The following ELP4 variants were observed in gnomAD, a reference collection of about 807,000 sequenced individuals.
The protein encoded by ELP4 is elongator acetyltransferase complex subunit 4, also known as elongator complex protein 4.
Under a neutral mutation model 48.9 loss-of-function variants are expected in ELP4, and 51 were observed. That is an observed-to-expected ratio of 1.04 (90% CI 0.83 to 1.32). The LOEUF (loss-of-function observed/expected upper bound fraction) is 1.32, where lower values mean the gene tolerates loss of function less well. ELP4 is among the 40% of genes most tolerant of loss of function. The pLI, the probability that ELP4 is intolerant of heterozygous loss-of-function variation, is 0.00. For missense variants in ELP4, 519 were observed against 514.6 expected (o/e 1.01, Z -0.08); for synonymous variants, 210 against 189.2 (o/e 1.11, Z -0.90).
chr11:31,719,083 A>G (rs1365852617), intron 9 of ELP4, among the ~76,000 whole-genome samples: 1 of 151,938 alleles, frequency 6.6e-6, no homozygotes, highest in Non-Finnish European at 1.5e-5. Context: ...ACATATTGGG[A>G]CCTCGTCTCT....
chr11:31,707,168 T>C (rs767967396), intron 9 of ELP4: 26 of 392,734 alleles, frequency 6.6e-5, no homozygotes, highest in Non-Finnish European at 1.1e-4. Flanking sequence ...CTATTCTTCA[T>C]AGTTGCTGCA....
At chr11:31,695,712 C>T (rs1946388176) in intron 9 of ELP4, among the ~76,000 whole-genome samples, 1 of 148,184 alleles carries the variant, frequency 6.7e-6, no homozygotes, top group South Asian at 2.2e-4. Flanking sequence ...TCCTCTTTTT[C>T]TATTGATTGG....
At chr11:31,747,945 A>G (rs1366843758) in intron 9 of ELP4, among the ~76,000 whole-genome samples, 2 of 152,238 alleles carry the variant, frequency 1.3e-5, no homozygotes, top group East Asian at 3.8e-4. Flanking sequence ...GTGCCAAACA[A>G]CTTTTCTAAA....
intron 9 of ELP4, among the ~76,000 whole-genome samples, chr11:31,686,994 A>G (rs1025333458): frequency 1.3e-5 from 2 of 152,138 alleles, no homozygotes; most frequent in Non-Finnish European, 1.5e-5. Flanking sequence ...GATCATCATC[A>G]TCACCATCAC....
At chr11:31,557,185 T>C (rs908913070) in intron 3 of ELP4, among the ~76,000 whole-genome samples, 4 of 151,904 alleles carry the variant, frequency 2.6e-5, no homozygotes, top group African/African-American at 4.8e-5. Flanking sequence ...TTATGGACTT[T>C]AAGGTCCATA....
At chr11:31,539,975 G>A (rs188089053) in intron 3 of ELP4, among the ~76,000 whole-genome samples, 192 bp downstream of exon 3, 4 of 152,190 alleles carry the variant, frequency 2.6e-5, no homozygotes, top group Non-Finnish European at 5.9e-5. Context: ...TTAAACTAAT[G>A]TTTTTGAACA....
intron 3 of ELP4, among the ~76,000 whole-genome samples, chr11:31,591,144 C>T (rs1210600872): frequency 5.9e-5 from 9 of 152,078 alleles, no homozygotes; most frequent in Admixed American, 3.9e-4. Context: ...ACAGTGCTCA[C>T]GCCTGTAATC....
chr11:31,725,309 T>G (rs1947054540), intron 9 of ELP4, among the ~76,000 whole-genome samples: 1 of 152,192 alleles, frequency 6.6e-6, no homozygotes, highest in South Asian at 2.1e-4. Context: ...TGGATTCCCC[T>G]TGCCAGGCAG....
intron 9 of ELP4, among the ~76,000 whole-genome samples, chr11:31,694,010 T>A (rs1384158711): frequency 6.6e-6 from 1 of 152,168 alleles, no homozygotes; most frequent in Non-Finnish European, 1.5e-5. Context: ...GATGGGGTTG[T>A]TTGTTTTTTT....
chr11:31,688,803 CTT>C (rs531283097), intron 9 of ELP4, among the ~76,000 whole-genome samples: 16 of 152,098 alleles, frequency 1.1e-4, no homozygotes, highest in Non-Finnish European at 1.6e-4. Flanking sequence ...GAGTCCCTAA[CTT>C]TTACATACAT....
chr11:31,518,109 CTT>C (rs111515643), intron 1 of ELP4, among the ~76,000 whole-genome samples: 12 of 142,576 alleles, frequency 8.4e-5, no homozygotes, highest in Admixed American at 7.0e-5. Context: ...TCTTTTTTTT[CTT>C]TTTTTTTTTT....
chr11:31,581,212 T>C (rs1349447245), intron 3 of ELP4, among the ~76,000 whole-genome samples: 1 of 152,190 alleles, frequency 6.6e-6, no homozygotes, highest in East Asian at 1.9e-4. Context: ...ACAGCTGTTA[T>C]TCTGGCACTT....
At chr11:31,624,198 G>A (rs2134032727) in intron 5 of ELP4, among the ~76,000 whole-genome samples, 1 of 151,856 alleles carries the variant, frequency 6.6e-6, no homozygotes, top group South Asian at 2.1e-4. Context: ...CCCCAATTCT[G>A]AACATTCAGT....
chr11:31,743,591 A>T (rs1254780126), intron 9 of ELP4, among the ~76,000 whole-genome samples: 2 of 152,114 alleles, frequency 1.3e-5, no homozygotes, highest in Non-Finnish European at 2.9e-5. Context: ...GGATTAAGAA[A>T]CTCACTCAAA....
At chr11:31,610,303 CTAT>C in intron 5 of ELP4, among the ~76,000 whole-genome samples, 1 of 150,440 alleles carries the variant, frequency 6.6e-6, no homozygotes, top group Non-Finnish European at 1.5e-5. Flanking sequence ...AGAAAGAGGA[CTAT>C]TATTCTGGGC....
At chr11:31,636,799 G>A (rs1565090468) in intron 7 of ELP4, among the ~76,000 whole-genome samples, 1 of 151,788 alleles carries the variant, frequency 6.6e-6, no homozygotes, top group African/African-American at 2.4e-5. Context: ...GAAAAAAATG[G>A]CAAGCATACT....
At chr11:31,618,169 C>T (rs1944536765) in intron 5 of ELP4, among the ~76,000 whole-genome samples, 1 of 152,078 alleles carries the variant, frequency 6.6e-6, no homozygotes, top group African/African-American at 2.4e-5. Context: ...AGTACTGATA[C>T]AGGGTACAGC....
intron 9 of ELP4, chr11:31,767,162 A>G (rs1189570001): frequency 6.6e-6 from 1 of 152,144 alleles, no homozygotes; most frequent in Admixed American, 6.5e-5. Context: ...TACAAAATCA[A>G]TTCCCTCCAC....
intron 3 of ELP4, among the ~76,000 whole-genome samples, chr11:31,553,538 C>T (rs1482696575): frequency 1.3e-5 from 2 of 152,082 alleles, no homozygotes; most frequent in Non-Finnish European, 2.9e-5. Flanking sequence ...GGTCTTGAGC[C>T]TGCCAGCCTG....
Sources: allele counts gnomAD v4.1 joint callset (sites outside exome capture counted in the v4.1 genomes callset), GRCh38; gene constraint gnomAD v4.1.1; transcripts MANE v1.5; gene names NCBI Gene and HGNC (gene_info 2026-07-23, HGNC 2026-07-21).